PABPC4L: variants seen among roughly 807,000 people sequenced by gnomAD.
PABPC4L encodes polyadenylate-binding protein 4-like.
For missense variants in PABPC4L, 452 were observed against 451.4 expected (o/e 1.00, Z -0.01); for synonymous variants, 169 against 164.1 (o/e 1.03, Z -0.23).
At chr4:133,958,928 A>T in the PABPC4L span, among the ~76,000 whole-genome samples, 1 of 152,182 alleles carries the variant, frequency 6.6e-6, no homozygotes, top group African/African-American at 2.4e-5. Context: ...GACCTTGCTA[A>T]GTTCTCCCAG....
At chr4:133,980,208 A>G in the PABPC4L span, among the ~76,000 whole-genome samples, 2 of 152,182 alleles carry the variant, frequency 1.3e-5, no homozygotes, top group Admixed American at 6.6e-5. Context: ...ATAATTAATC[A>G]TTATTCTACA....
chr4:134,110,876 C>A, the PABPC4L span, among the ~76,000 whole-genome samples: 1 of 151,996 alleles, frequency 6.6e-6, no homozygotes, highest in Non-Finnish European at 1.5e-5. Context: ...TTTTTCTGAT[C>A]CACAGTTGGT....
chr4:134,115,970 A>G, the PABPC4L span, among the ~76,000 whole-genome samples: 1 of 151,884 alleles, frequency 6.6e-6, no homozygotes, highest in African/African-American at 2.4e-5. Context: ...AAGATAATGT[A>G]CTGACTGAAA....
the PABPC4L span, among the ~76,000 whole-genome samples, chr4:134,054,772 T>C: frequency 1.4e-4 from 22 of 152,088 alleles, no homozygotes; most frequent in Admixed American, 2.6e-4. Flanking sequence ...ATGTTCACTT[T>C]GTTTAACCTT....
At chr4:134,084,371 T>A in the PABPC4L span, among the ~76,000 whole-genome samples, 1 of 152,188 alleles carries the variant, frequency 6.6e-6, no homozygotes, top group Non-Finnish European at 1.5e-5. Context: ...ATATAATCAC[T>A]TGATACATAC....
chr4:134,132,303 G>A, the PABPC4L span, among the ~76,000 whole-genome samples: 3 of 151,700 alleles, frequency 2.0e-5, no homozygotes, highest in Admixed American at 6.6e-5. Flanking sequence ...AAATCTTTGC[G>A]GTCTGGATAT....
At chr4:134,020,405 G>A in the PABPC4L span, among the ~76,000 whole-genome samples, 9 of 152,076 alleles carry the variant, frequency 5.9e-5, no homozygotes, top group Non-Finnish European at 5.9e-5. Context: ...TATCTTTAAA[G>A]CAAAATTAGG....
the PABPC4L span, among the ~76,000 whole-genome samples, chr4:134,165,236 T>C: frequency 0.022 from 3,419 of 152,224 alleles, 129 homozygotes; most frequent in African/African-American, 0.078. Context: ...AAAGAAATTA[T>C]GACTAATATC....
At chr4:134,008,459 TA>T in the PABPC4L span, among the ~76,000 whole-genome samples, 5 of 150,602 alleles carry the variant, frequency 3.3e-5, no homozygotes, top group African/African-American at 7.3e-5. Context: ...AAGAAAGTAT[TA>T]AAAAAAAACC....
At chr4:134,144,554 T>G in the PABPC4L span, among the ~76,000 whole-genome samples, 103,716 of 149,308 alleles carry the variant, frequency 0.69, 37,374 homozygotes, top group East Asian at 1. Flanking sequence ...TTAATGAGCT[T>G]TCTCTAAGCC....
At chr4:134,008,971 CAT>C in the PABPC4L span, among the ~76,000 whole-genome samples, 4 of 151,650 alleles carry the variant, frequency 2.6e-5, no homozygotes, top group Non-Finnish European at 5.9e-5. Context: ...AAATGGTAAA[CAT>C]AGAGATATAA....
chr4:134,187,403 T>C, the PABPC4L span, among the ~76,000 whole-genome samples: 1 of 151,934 alleles, frequency 6.6e-6, no homozygotes, highest in Non-Finnish European at 1.5e-5. Flanking sequence ...GGGACATGGA[T>C]GAAGCTGGAA....
chr4:133,978,510 G>A, the PABPC4L span, among the ~76,000 whole-genome samples: 1 of 151,980 alleles, frequency 6.6e-6, no homozygotes, highest in East Asian at 1.9e-4. Context: ...CTACTACCCA[G>A]GAGTTAGAGG....
chr4:134,128,977 G>C, the PABPC4L span, among the ~76,000 whole-genome samples: 2 of 151,978 alleles, frequency 1.3e-5, no homozygotes, highest in African/African-American at 4.8e-5. Context: ...AAAGGGGTGG[G>C]AAAAAATATT....
the PABPC4L span, among the ~76,000 whole-genome samples, chr4:134,123,731 T>G: frequency 1.3e-5 from 2 of 151,976 alleles, no homozygotes; most frequent in South Asian, 2.1e-4. Flanking sequence ...TAAATCATTA[T>G]GATAATTTTA....
At chr4:134,041,451 A>G in the PABPC4L span, among the ~76,000 whole-genome samples, 1 of 152,096 alleles carries the variant, frequency 6.6e-6, no homozygotes, top group Non-Finnish European at 1.5e-5. Flanking sequence ...GCTGGAAACC[A>G]TAATTCTCAG....
the PABPC4L span, among the ~76,000 whole-genome samples, chr4:134,177,086 A>G: frequency 6.6e-6 from 1 of 151,846 alleles, no homozygotes; most frequent in South Asian, 2.1e-4. Flanking sequence ...CTTAGGCCCA[A>G]ACTTGCCTGC....
chr4:133,974,302 T>C, the PABPC4L span, among the ~76,000 whole-genome samples: 1 of 152,128 alleles, frequency 6.6e-6, no homozygotes, highest in Admixed American at 6.6e-5. Flanking sequence ...GATATCCACA[T>C]GCCACAGAAG....
At chr4:134,166,415 TTGACCAGTTC>T in the PABPC4L span, among the ~76,000 whole-genome samples, 1 of 152,214 alleles carries the variant, frequency 6.6e-6, no homozygotes, top group South Asian at 2.1e-4. Flanking sequence ...TTTCCCCATC[TTGACCAGTTC>T]TCAAAAGAGA....
Sources: gnomAD v4.1 joint callset for allele counts (sites outside exome capture counted in the v4.1 genomes callset) on GRCh38, gnomAD v4.1.1 for gene constraint, MANE v1.5 for transcripts, NCBI Gene and HGNC (gene_info 2026-07-23, HGNC 2026-07-21) for gene names.